The following MFSD11 variants were observed in gnomAD, a reference collection of about 807,000 sequenced individuals.
MFSD11 encodes the protein UNC93-like protein MFSD11.
In MFSD11, 36 loss-of-function variants were observed where a neutral mutation model predicts 53.5. The observed-to-expected ratio is 0.67, with a 90% confidence interval of 0.52 to 0.89. The LOEUF (loss-of-function observed/expected upper bound fraction) is 0.89. MFSD11 is among the 40% of genes least tolerant of loss of function. The pLI, the probability that MFSD11 is intolerant of heterozygous loss-of-function variation, is 0.00. For missense variants in MFSD11, 530 were observed against 543.9 expected (o/e 0.97, Z 0.25); for synonymous variants, 186 against 184.9 (o/e 1.01, Z -0.05).
chr17:76,767,218 T>C (rs1209837913), intron 8 of MFSD11, 168 bp from the exon 9 acceptor site: 1 of 516,936 alleles, frequency 1.9e-6, no homozygotes, highest in Non-Finnish European at 3.4e-6. Context: ...GTTTTATTTA[T>C]AGGGCAAATG....
At chr17:76,794,725 C>T in the MFSD11 span, among the ~76,000 whole-genome samples, 1 of 115,618 alleles carries the variant, frequency 8.6e-6, no homozygotes, top group East Asian at 3.2e-4. Flanking sequence ...TGGAGTGTCA[C>T]TCTGTCACTC....
chr17:76,744,350 C>T lies in MFSD11; in HGVS notation c.525C>T (p.Ala175=), dbSNP rs756267772. 1 of 1,613,538 alleles carries T rather than the reference C, an allele frequency of 6.2e-7. No individual in the cohort carries two copies. Among genetic ancestry groups the T allele is most frequent in the Non-Finnish European group, 8.5e-7 (1 of 1,179,880 alleles). Residue 175 remains alanine (A), a synonymous_variant, in exon 7 of 13, where the codon GCC becomes GCT. Coordinates refer to ENST00000685175, the MANE Select transcript of MFSD11 (RefSeq NM_001242532.5). ...GTGACCGAAGAACAGTGTTTATTGC[C>T]CTAACGGTGATTAGCCTTGTGGGGA... ...SESDRRTVFI[A]LTVISLVGTV...
At chr17:76,803,516 T>A in the MFSD11 span, among the ~76,000 whole-genome samples, 1 of 152,184 alleles carries the variant, frequency 6.6e-6, no homozygotes, top group Non-Finnish European at 1.5e-5. Flanking sequence ...AAACTGCTCC[T>A]AAGATCAGTG....
At chr17:76,783,959 GAAA>G (rs112147759), downstream of MFSD11, among the ~76,000 whole-genome samples, 2 of 131,286 alleles carry the variant, frequency 1.5e-5, no homozygotes, top group Non-Finnish European at 3.3e-5. Context: ...CTGCTACCCA[GAAA>G]AAAAAAAAAA....
At chr17:76,771,935 C>T (rs993654410) in intron 10 of MFSD11, among the ~76,000 whole-genome samples, 6 of 151,982 alleles carry the variant, frequency 3.9e-5, no homozygotes, top group East Asian at 3.9e-4. Context: ...AGGAGGGACT[C>T]GTGGGCTGGA....
chr17:76,742,499 A>G (rs527632424), intron 5 of MFSD11, among the ~76,000 whole-genome samples: 4 of 150,980 alleles, frequency 2.6e-5, no homozygotes, highest in Non-Finnish European at 5.9e-5. Context: ...ATAGCATACT[A>G]ACTTTTTTTT....
chr17:76,760,136 C>T (rs2080068866), intron 8 of MFSD11, among the ~76,000 whole-genome samples: 1 of 151,370 alleles, frequency 6.6e-6, no homozygotes, highest in African/African-American at 2.4e-5. Context: ...GGCGTGGTGG[C>T]TGGCGCCTAT....
the MFSD11 span, among the ~76,000 whole-genome samples, chr17:76,797,629 G>T: frequency 6.6e-6 from 1 of 152,036 alleles, no homozygotes; most frequent in Non-Finnish European, 1.5e-5. Context: ...AGGACCTCCT[G>T]TCTCATCCTG....
At chr17:76,739,359 T>C (rs527442475) in intron 2 of MFSD11, among the ~76,000 whole-genome samples, 12 of 152,362 alleles carry the variant, frequency 7.9e-5, no homozygotes, top group Admixed American at 2.6e-4. Flanking sequence ...GAAGATGTTG[T>C]GATTCTTGAA....
intron 9 of MFSD11, 87 bp downstream of exon 9, chr17:76,767,538 C>G (rs2080965697): frequency 7.2e-6 from 6 of 834,656 alleles, no homozygotes; most frequent in Middle Eastern, 4.5e-4. Context: ...TCTCACAATT[C>G]TGTGCAGTGA....
chr17:76,743,325 A>C, intron 5 of MFSD11, 73 bp from the exon 6 acceptor site: 1 of 961,644 alleles, frequency 1.0e-6, no homozygotes, highest in Non-Finnish European at 1.6e-6. Context: ...AAATAATGGG[A>C]ATAATTATTT....
chr17:76,746,794 T>C (rs2078583790), intron 7 of MFSD11, among the ~76,000 whole-genome samples: 1 of 152,222 alleles, frequency 6.6e-6, no homozygotes, highest in African/African-American at 2.4e-5. Flanking sequence ...TATTACTGCT[T>C]ATTGACAATG....
intron 7 of MFSD11, among the ~76,000 whole-genome samples, chr17:76,748,661 G>A (rs1237974108): frequency 6.6e-6 from 1 of 151,944 alleles, no homozygotes; most frequent in East Asian, 1.9e-4. Context: ...ACTCCAGCAT[G>A]GGCAACAGAG....
At position 76,762,810 on chromosome 17, in the gene MFSD11, A is replaced by G. The variant is rs1186720468; in HGVS notation, c.683-4576A>G. On this transcript the variant is annotated intron_variant, in intron 8 of 12. Coordinates refer to ENST00000685175, the MANE Select transcript of MFSD11 (RefSeq NM_001242532.5). ...GAAAGCAATTAAGCACCGGCGGGAA[A>G]TCAAAGGTTAGCCTTAGGACCACAA... is the stretch of plus-strand genomic sequence containing the variant. Among the ~76,000 whole-genome samples, 8 of 152,136 alleles carry G rather than the reference A, an allele frequency of 5.3e-5. No homozygotes were observed. The East Asian group carries it at 7.7e-4, about 15-fold the overall frequency.
rs2143997032 is a variant in MFSD11 at position 76,738,259 on chromosome 17, C to A, written c.-94C>A. The A allele has an allele frequency of 1.3e-6, 1 of 796,716 alleles. No homozygotes were observed. Among genetic ancestry groups the A allele is most frequent in the Non-Finnish European group, 2.1e-6 (1 of 468,322 alleles). The allele number at this position is 796,716 out of a possible 1,614,324, so 49.4% of individuals were successfully genotyped here. ...GGCTCCTGCATCTGCCTTCTCCACT[C>A]ACCATCTCATTTCTTTCTCCAGGAT... On this transcript the variant is annotated 5_prime_UTR_variant, in exon 1 of 13. Transcript: ENST00000685175.
Position 76,742,017 on chromosome 17 carries a change from A to G in MFSD11, c.309A>G (p.Thr103=). 5 of 1,614,156 alleles carry G rather than the reference A, an allele frequency of 3.1e-6. No individual in the cohort carries two copies. Among genetic ancestry groups the G allele is most frequent in the Non-Finnish European group, 4.2e-6 (5 of 1,180,028 alleles). ...FIQPFPWSFY[T]ASVFIGIAAA... ...AGCCTTTCCCGTGGTCCTTCTACAC[A>G]GCCTCTGTTTTCATTGGAATTGCTG... Residue 103 remains threonine (T), a synonymous_variant, in exon 4 of 13, where the codon ACA becomes ACG. Transcript: ENST00000685175.
chr17:76,803,501 T>G, the MFSD11 span, among the ~76,000 whole-genome samples: 1 of 152,174 alleles, frequency 6.6e-6, no homozygotes, highest in Non-Finnish European at 1.5e-5. Flanking sequence ...ATTCTGACCC[T>G]CCTTAAACTG....
intron 8 of MFSD11, among the ~76,000 whole-genome samples, chr17:76,764,396 A>T (rs918356769): frequency 6.6e-6 from 1 of 152,036 alleles, no homozygotes; most frequent in African/African-American, 2.4e-5. Flanking sequence ...TCTTTAACCA[A>T]CGTCTCCCTA....
Position 76,775,025 on chromosome 17 carries a change from G to C in MFSD11, c.903G>C (p.Lys301Asn). 1.2e-6 allele frequency: 2 copies of C among 1,613,994 alleles called. No individual in the cohort carries two copies. Among genetic ancestry groups the C allele is most frequent in the Non-Finnish European group, 1.7e-6 (2 of 1,179,928 alleles). ...GAAGCCTCTTCGGCCTGCTGAGCAA[G>C]AACAATCGTTTTGGTAGAAATCCAG... ...LGGSLFGLLS[K>N]NNRFGRNPVV... The change falls in exon 11 of 13, where the codon AAG (lysine) becomes AAC (asparagine). Residue 301 changes from lysine to asparagine, a missense_variant. Transcript: ENST00000685175.
Sources: allele counts gnomAD v4.1 joint callset (sites outside exome capture counted in the v4.1 genomes callset), GRCh38; gene constraint gnomAD v4.1.1; transcripts MANE v1.5; gene names NCBI Gene and HGNC (gene_info 2026-07-23, HGNC 2026-07-21).